Variants in MEOX1 observed in about 807,000 individuals in gnomAD.
The protein encoded by MEOX1 is homeobox protein MOX-1.
In MEOX1, 17 loss-of-function variants were observed where a neutral mutation model predicts 23.2. The ratio of observed to expected loss-of-function variants is 0.73; its 90% CI spans 0.50 to 1.10. MEOX1 has a LOEUF of 1.10. MEOX1 is among the 50% of genes least tolerant of loss of function. The pLI, the probability that MEOX1 is intolerant of heterozygous loss-of-function variation, is 0.00. For missense variants in MEOX1, 333 were observed against 332.2 expected (o/e 1.00, Z -0.02); for synonymous variants, 134 against 135.1 (o/e 0.99, Z 0.06).
chr17:43,659,844 C>A (rs377619935), intron 1 of MEOX1, among the ~76,000 whole-genome samples: 1 of 152,254 alleles, frequency 6.6e-6, no homozygotes, highest in South Asian at 2.1e-4. Context: ...GCTGACACAC[C>A]TCTGCAGGCC....
chr17:43,649,317 G>A (rs1438914247), intron 1 of MEOX1, among the ~76,000 whole-genome samples: 2 of 85,212 alleles, frequency 2.3e-5, no homozygotes, highest in African/African-American at 4.0e-5. Flanking sequence ...TTTTTTTTGA[G>A]GCTGAGTCTC....
intron 1 of MEOX1, among the ~76,000 whole-genome samples, chr17:43,649,714 C>T (rs1446458438): frequency 2.6e-5 from 4 of 152,176 alleles, no homozygotes; most frequent in African/African-American, 7.2e-5. Context: ...TCTTGGGGGC[C>T]GCAGATGCCT....
chr17:43,654,547 G>A (rs892890906), intron 1 of MEOX1, among the ~76,000 whole-genome samples: 6 of 152,000 alleles, frequency 3.9e-5, no homozygotes, highest in African/African-American at 1.2e-4. Flanking sequence ...ATGGTCAGGT[G>A]TAGTGGTTCA....
At chr17:43,652,740 C>A (rs987138064) in intron 1 of MEOX1, among the ~76,000 whole-genome samples, 2 of 150,478 alleles carry the variant, frequency 1.3e-5, no homozygotes, top group Non-Finnish European at 3.0e-5. Context: ...CATGAGGTCA[C>A]TTGTATGGGA....
chr17:43,641,964 G>A lies in MEOX1; in HGVS notation c.711C>T (p.Pro237=), dbSNP rs757321027. Residue 237 remains proline, a synonymous_variant, in exon 3 of 3, where the codon CCC becomes CCT. Coordinates refer to ENST00000318579, the MANE Select transcript of MEOX1 (RefSeq NM_004527.4). ...CCCCATCCTCAGGGTCCTGCCCATT[G>A]GGGGAGATGGGCTGACCTCCCTTCA... is the stretch of plus-strand genomic sequence containing the variant. The part of the protein sequence containing the change: ...KRVKGGQPIS[P]NGQDPEDGDS... 1.9e-6 allele frequency: 3 copies of A among 1,613,652 alleles called. No homozygotes were observed. Among genetic ancestry groups the A allele is most frequent in the Middle Eastern group, 3.3e-4 (2 of 6,060 alleles).
chr17:43,660,511 C>T (rs1311835212), intron 1 of MEOX1, among the ~76,000 whole-genome samples: 1 of 152,210 alleles, frequency 6.6e-6, no homozygotes, highest in African/African-American at 2.4e-5. Flanking sequence ...CCATCTCCCC[C>T]TCACCCCTTG....
intron 1 of MEOX1, among the ~76,000 whole-genome samples, chr17:43,647,308 A>G (rs1382401001): frequency 6.6e-6 from 1 of 152,144 alleles, no homozygotes; most frequent in Non-Finnish European, 1.5e-5. Context: ...CGCGCCCCCA[A>G]CCAGTTCTGC....
chr17:43,647,441 T>C (rs1972832176), intron 1 of MEOX1, among the ~76,000 whole-genome samples: 1 of 152,164 alleles, frequency 6.6e-6, no homozygotes, highest in Non-Finnish European at 1.5e-5. Context: ...TGACAGCTTT[T>C]AGGTGACAGA....
chr17:43,643,068 G>C (rs1395122610), intron 2 of MEOX1, among the ~76,000 whole-genome samples: 3 of 152,186 alleles, frequency 2.0e-5, no homozygotes, highest in Non-Finnish European at 2.9e-5. Context: ...CAGCACTTTG[G>C]GAGGCCGAGG....
chr17:43,659,810 C>T (rs145926450), intron 1 of MEOX1, among the ~76,000 whole-genome samples: 236 of 152,358 alleles, frequency 1.5e-3, no homozygotes, highest in Non-Finnish European at 2.3e-3. Context: ...CACCTTAAGC[C>T]TCCCCATCAG....
Position 43,661,360 on chromosome 17 carries a change from A to G in MEOX1, c.175T>C (p.Tyr59His), listed in dbSNP as rs371538601. The part of the protein sequence containing the change: ...PDFLATATAA[Y>H]PDFSASCLAA... ...AGGCAGGAGGCTGAGAAGTCAGGGT[A>G]CGCTGCCGTCGCTGTCGCCAGGAAG... The change falls in exon 1 of 3, where the codon TAC (tyrosine) becomes CAC (histidine). Residue 59 changes from tyrosine (Y) to histidine (H), a missense_variant. Transcript: ENST00000318579. The G allele has an allele frequency of 2.5e-6, 4 of 1,590,178 alleles. No homozygotes were observed. Among genetic ancestry groups the G allele is most frequent in the Non-Finnish European group, 3.4e-6 (4 of 1,166,900 alleles).
chr17:43,657,669 C>T (rs1431816165), intron 1 of MEOX1, among the ~76,000 whole-genome samples: 1 of 152,120 alleles, frequency 6.6e-6, no homozygotes, highest in African/African-American at 2.4e-5. Flanking sequence ...TTGCCAGGCC[C>T]AACTCACCCC....
rs1598258087 is a variant in MEOX1, at chr17:43,641,860, T to G, written c.*50A>C. 2 of 1,548,194 alleles carry G rather than the reference T, an allele frequency of 1.3e-6. No homozygotes were observed. Among genetic ancestry groups the G allele is most frequent in the East Asian group, 2.3e-5 (1 of 43,472 alleles). The stretch of plus-strand genomic sequence containing the variant: ...GGTGAAGGTGGGATTGGGGTGGGGG[T>G]AGTTGGGTAGGGGGCTCAGTCCTTA... On this transcript the variant is annotated 3_prime_UTR_variant, in exon 3 of 3. Transcript: ENST00000318579.
chr17:43,658,475 C>CATGGG (rs1973080264), intron 1 of MEOX1, among the ~76,000 whole-genome samples: 3 of 148,190 alleles, frequency 2.0e-5, no homozygotes, highest in African/African-American at 7.4e-5. Flanking sequence ...CCACTGCACT[C>CATGGG]CAGCATGGGC....
chr17:43,660,757 C>T (rs890082895), intron 1 of MEOX1, among the ~76,000 whole-genome samples: 1 of 152,190 alleles, frequency 6.6e-6, no homozygotes, highest in Non-Finnish European at 1.5e-5. Flanking sequence ...AAGCCCCTCA[C>T]CAGCCCTCGC....
intron 1 of MEOX1, among the ~76,000 whole-genome samples, chr17:43,658,163 T>C (rs1973073149): frequency 6.6e-6 from 1 of 152,220 alleles, no homozygotes; most frequent in South Asian, 2.1e-4. Context: ...CCACTCAGCC[T>C]GGACTTGGGG....
intron 1 of MEOX1, among the ~76,000 whole-genome samples, chr17:43,660,864 G>A (rs982509067): frequency 6.6e-6 from 1 of 152,154 alleles, no homozygotes; most frequent in Non-Finnish European, 1.5e-5. Flanking sequence ...GCCCAGGAGT[G>A]CTGGGACACA....
chr17:43,660,722 GA>G (rs1973121120), intron 1 of MEOX1, among the ~76,000 whole-genome samples: 1 of 152,176 alleles, frequency 6.6e-6, no homozygotes, highest in South Asian at 2.1e-4. Context: ...GGAGGAGGAT[GA>G]CTCAATGGCA....
At chr17:43,659,172 T>A (rs1973095541) in intron 1 of MEOX1, among the ~76,000 whole-genome samples, 1 of 150,754 alleles carries the variant, frequency 6.6e-6, no homozygotes, top group South Asian at 2.1e-4. Flanking sequence ...TTGCTATCCC[T>A]TCCCAATGCC....
Sources: gnomAD v4.1 joint callset for allele counts (sites outside exome capture counted in the v4.1 genomes callset) on GRCh38, gnomAD v4.1.1 for gene constraint, MANE v1.5 for transcripts, NCBI Gene and HGNC (gene_info 2026-07-23, HGNC 2026-07-21) for gene names.